The following SYTL2 variants were observed in gnomAD, a reference collection of about 807,000 sequenced individuals.
SYTL2 encodes synaptotagmin like 2, also known as synaptotagmin-like protein 2.
In SYTL2, 165 loss-of-function variants were observed where a neutral mutation model predicts 198.7. That is an observed-to-expected ratio of 0.83 (90% CI 0.73 to 0.94). The LOEUF is 0.94. SYTL2 is among the 40% of genes least tolerant of loss of function. The pLI is 0.00. For synonymous variants in SYTL2, 966 were observed against 917.7 expected (o/e 1.05, Z -0.95); for missense variants, 2,835 against 2,582.8 (o/e 1.10, Z -2.12).
At chr11:85,834,477 T>C in the SYTL2 span, among the ~76,000 whole-genome samples, 1 of 152,120 alleles carries the variant, frequency 6.6e-6, no homozygotes, top group Non-Finnish European at 1.5e-5. Flanking sequence ...TCTTAAAATG[T>C]TTATTACAGA....
rs763753040 is a variant in SYTL2 at position 85,711,217 on chromosome 11, T to C, written c.5641A>G (p.Thr1881Ala). 1 of 1,614,074 alleles carries C rather than the reference T, an allele frequency of 6.2e-7. No individual in the cohort carries two copies. The highest frequency in any genetic ancestry group is 1.1e-5 in the South Asian group (1 of 91,074). Residue 1881 changes from threonine to alanine, a missense_variant, in exon 13 of 20, where the codon ACA (threonine) becomes GCA (alanine). Thr to Ala is a moderately conservative substitution (Grantham distance 58). This residue lies in a region of SYTL2 where 2,645 missense variants were observed against 2,381.7 expected (regional missense o/e 1.11). Coordinates refer to ENST00000359152, the MANE Select transcript of SYTL2 (RefSeq NM_206927.4). ...TAACTGCTTTCTGATGCTGTATCTG[T>C]TTCTCTGTCATCACTCTACAAAACA... The part of the protein sequence containing the change: ...FLQDESDDRE[T>A]DTASESSYQL...
At chr11:85,843,219 CA>C in the SYTL2 span, among the ~76,000 whole-genome samples, 2 of 151,896 alleles carry the variant, frequency 1.3e-5, no homozygotes, top group Non-Finnish European at 2.9e-5. Flanking sequence ...AATAAAAACA[CA>C]AATTGGGTGT....
intron 6 of SYTL2, 97 bp from the exon 7 acceptor site, chr11:85,734,839 T>A: frequency 2.2e-6 from 2 of 911,346 alleles, no homozygotes; most frequent in Non-Finnish European, 3.2e-6. Context: ...GTGAAACTAT[T>A]AAAATATTAA....
chr11:85,803,393 C>A (rs904569064), intron 1 of SYTL2, among the ~76,000 whole-genome samples: 3 of 152,136 alleles, frequency 2.0e-5, no homozygotes, highest in Non-Finnish European at 4.4e-5. Flanking sequence ...GGTCTTCTTG[C>A]CAGTTCTCCA....
chr11:85,762,881 T>G (rs187416618), intron 1 of SYTL2, among the ~76,000 whole-genome samples: 1 of 152,270 alleles, frequency 6.6e-6, no homozygotes, highest in African/African-American at 2.4e-5. Context: ...ACAAGGCTTG[T>G]GTCTCCCAGT....
chr11:85,745,612 G>C, intron 4 of SYTL2, 25 bp downstream of exon 4: 2 of 1,602,206 alleles, frequency 1.2e-6, no homozygotes, highest in Admixed American at 1.7e-5. Flanking sequence ...ACATGCAGCA[G>C]CTCTCCCCAG....
chr11:85,782,155 C>T (rs1309472638), intron 1 of SYTL2, among the ~76,000 whole-genome samples: 6 of 152,238 alleles, frequency 3.9e-5, no homozygotes, highest in South Asian at 2.1e-4. Context: ...TCTAGGTGGA[C>T]GTTCCCAAAC....
At chr11:85,765,601 A>G (rs2092219296) in intron 1 of SYTL2, among the ~76,000 whole-genome samples, 1 of 152,172 alleles carries the variant, frequency 6.6e-6, no homozygotes, top group Non-Finnish European at 1.5e-5. Flanking sequence ...CAAAGCTTTC[A>G]CTTTTGTAAG....
chr11:85,714,853 T>G, intron 11 of SYTL2: 1 of 254,816 alleles, frequency 3.9e-6, no homozygotes, highest in South Asian at 7.0e-5. Flanking sequence ...ACAAAGTCTG[T>G]ACTTTATTGG....
At chr11:85,698,165 G>C (rs2083693902) in intron 17 of SYTL2, 87 bp from the exon 18 acceptor site, 1 of 836,238 alleles carries the variant, frequency 1.2e-6, no homozygotes, top group Admixed American at 1.9e-5. Flanking sequence ...AAAATGTTCT[G>C]GCATGGAGAT....
intron 14 of SYTL2, 100 bp downstream of exon 14, chr11:85,709,231 C>T: frequency 1.7e-6 from 2 of 1,163,848 alleles, no homozygotes; most frequent in Admixed American, 3.8e-5. Flanking sequence ...CCTCTTAACA[C>T]ATACCCTCCC....
chr11:85,725,936 G>A lies in SYTL2; in HGVS notation c.3422C>T (p.Ser1141Leu), dbSNP rs201464962. Residue 1141 changes from serine to leucine, a missense_variant, in exon 8 of 20, where the codon TCA becomes TTA. Coordinates refer to ENST00000359152, the MANE Select transcript of SYTL2 (RefSeq NM_206927.4). ...TTGAATTGCTGGTGTTGAGGTTTCT[G>A]AAAGCAGTTTCTGCAAGCTGTCATT... ...TFNDSLQKLL[S>L]ETSTPAIQPS... 6.8e-5 allele frequency: 110 copies of A among 1,614,030 alleles called. No homozygotes were observed. Among genetic ancestry groups the A allele is most frequent in the Non-Finnish European group, 8.3e-5 (98 of 1,180,010 alleles).
At position 85,726,701 on chromosome 11, in the gene SYTL2, CCTG is replaced by C. The variant is rs777470760; in HGVS notation, c.2654_2656del (p.Ala885del). ...AGCTGAAAGATAGTATCTGGATGGA[CCTG>C]CTATTTGTGGCTTGGTCTCTTTAGA... On this transcript the variant is annotated inframe_deletion, in exon 8 of 20. Coordinates refer to ENST00000359152, the MANE Select transcript of SYTL2 (RefSeq NM_206927.4). The C allele has an allele frequency of 2.2e-5, 34 of 1,536,108 alleles. No homozygotes were observed. The African/African-American group carries it at 4.5e-4, about 20-fold the overall frequency.
At position 85,727,815 on chromosome 11, in the gene SYTL2, T is replaced by C. The variant is rs756109897; in HGVS notation, c.1543A>G (p.Thr515Ala). 5 of 1,608,622 alleles carry C rather than the reference T, an allele frequency of 3.1e-6. No homozygotes were observed. The highest frequency in any genetic ancestry group is 3.4e-6 in the Non-Finnish European group (4 of 1,177,632). Residue 515 changes from threonine to alanine, a missense_variant, in exon 8 of 20, where the codon ACT becomes GCT. Thr to Ala is a moderately conservative substitution (Grantham distance 58). This residue lies in a region of SYTL2 where 2,645 missense variants were observed against 2,381.7 expected (regional missense o/e 1.11). Transcript: ENST00000359152. ...AGAACTTTAAATATGGAATCATCAG[T>C]TGACTTCTTTATCTCAGTGGCATAT... Reference protein sequence around the residue: ...GPYATEIKKSTDDSIFKVLDW... With the variant: ...GPYATEIKKSADDSIFKVLDW...
intron 1 of SYTL2, among the ~76,000 whole-genome samples, chr11:85,799,666 C>A (rs898227728): frequency 6.6e-6 from 1 of 152,158 alleles, no homozygotes. Flanking sequence ...CCTTCTGATT[C>A]TTATTCACCC....
intron 11 of SYTL2, chr11:85,716,449 T>A (rs2087246522): frequency 6.6e-6 from 1 of 152,168 alleles, no homozygotes; most frequent in African/African-American, 2.4e-5. Context: ...GAGGACCTCA[T>A]AAGCAAAGTT....
At chr11:85,848,013 G>T in the SYTL2 span, among the ~76,000 whole-genome samples, 1 of 152,108 alleles carries the variant, frequency 6.6e-6, no homozygotes, top group African/African-American at 2.4e-5. Flanking sequence ...AATCGCCTCA[G>T]GTTGGGTGTT....
the SYTL2 span, among the ~76,000 whole-genome samples, chr11:85,823,171 T>C: frequency 6.6e-6 from 1 of 152,258 alleles, no homozygotes. Context: ...AGAAACATTG[T>C]CTTTTTCATC....
the SYTL2 span, among the ~76,000 whole-genome samples, chr11:85,829,015 G>C: frequency 6.6e-6 from 1 of 151,586 alleles, no homozygotes; most frequent in Non-Finnish European, 1.5e-5. Flanking sequence ...TAAGAAGACA[G>C]GATACTGGGC....
Sources: gnomAD v4.1 joint callset for allele counts (sites outside exome capture counted in the v4.1 genomes callset) on GRCh38, gnomAD v4.1.1 for gene constraint, gnomAD v4.1.1 regional missense constraint, MANE v1.5 for transcripts, NCBI Gene and HGNC (gene_info 2026-07-23, HGNC 2026-07-21) for gene names.